The following TSC22D1 variants were observed in gnomAD, a reference collection of about 807,000 sequenced individuals.
TSC22D1 encodes TSC22 domain family protein 1.
In TSC22D1, 9 loss-of-function variants were observed where a neutral mutation model predicts 74.2. That is an observed-to-expected ratio of 0.12 (90% CI 0.07 to 0.21). The LOEUF (loss-of-function observed/expected upper bound fraction) is 0.21, where lower values mean the gene tolerates loss of function less well. Ranked by LOEUF, TSC22D1 falls within the 10% of genes least tolerant of loss-of-function variation. The probability of loss-of-function intolerance (pLI) is 1.00; values close to 1 mark genes in which losing one functional copy is unlikely to be tolerated. For missense variants in TSC22D1, 1,427 were observed against 1,304.7 expected (o/e 1.09, Z -1.44); for synonymous variants, 586 against 492.5 (o/e 1.19, Z -2.51).
chr13:44,464,083 A>G (rs1877137739), intron 1 of TSC22D1, among the ~76,000 whole-genome samples: 1 of 152,186 alleles, frequency 6.6e-6, no homozygotes, highest in African/African-American at 2.4e-5. Flanking sequence ...AGAACCACCT[A>G]GCTAAACCAC....
chr13:44,435,986 C>T, intron 2 of TSC22D1, 58 bp downstream of exon 2: 1 of 1,515,506 alleles, frequency 6.6e-7, no homozygotes, highest in South Asian at 1.2e-5. Context: ...TTCCACAAAA[C>T]ATCTTATTTT....
chr13:44,432,770 T>C lies in TSC22D1; in HGVS notation c.*1856A>G, dbSNP rs2138833291. On this transcript the variant is annotated 3_prime_UTR_variant, in exon 3 of 3. Coordinates refer to ENST00000458659, the MANE Select transcript of TSC22D1 (RefSeq NM_183422.4). The stretch of plus-strand genomic sequence containing the variant: ...CAATTCCTACTGGGCAGGGGGCCAC[T>C]GCTGAGGCCCTAGGTTGATAGATTA... 6.6e-6 allele frequency: 1 copy of C among 152,330 alleles called. No homozygotes were observed. The highest frequency in any genetic ancestry group is 6.5e-5 in the Admixed American group (1 of 15,302). The allele number at this position is 152,330 out of a possible 1,614,324, so 9.4% of individuals were successfully genotyped here.
chr13:44,478,652 C>A (rs575159035), intron 1 of TSC22D1, among the ~76,000 whole-genome samples: 2 of 152,076 alleles, frequency 1.3e-5, no homozygotes, highest in Non-Finnish European at 2.9e-5. Context: ...TAAATTTACA[C>A]CACATTCCAA....
chr13:44,517,970 C>T (rs1783218418), intron 1 of TSC22D1, among the ~76,000 whole-genome samples: 2 of 145,274 alleles, frequency 1.4e-5, no homozygotes, highest in Admixed American at 7.0e-5. Context: ...AATCCTCTCA[C>T]CTTAGCCTCC....
intron 1 of TSC22D1, among the ~76,000 whole-genome samples, chr13:44,501,783 A>ATG (rs1016931614): frequency 1.3e-5 from 2 of 152,202 alleles, no homozygotes; most frequent in African/African-American, 4.8e-5. Context: ...AAACTAATGT[A>ATG]TGTGTGTGAG....
chr13:44,556,405 G>A (rs953426870), intron 1 of TSC22D1, among the ~76,000 whole-genome samples: 1 of 151,788 alleles, frequency 6.6e-6, no homozygotes, highest in Non-Finnish European at 1.5e-5. Flanking sequence ...AATTAGCTGG[G>A]CGCAGTGGTG....
chr13:44,510,710 A>G (rs1879675227), intron 1 of TSC22D1, among the ~76,000 whole-genome samples: 1 of 152,020 alleles, frequency 6.6e-6, no homozygotes, highest in South Asian at 2.1e-4. Context: ...CTCCTGCCTC[A>G]GCCTCCTGAG....
At chr13:44,459,312 T>C (rs1876864609) in intron 1 of TSC22D1, among the ~76,000 whole-genome samples, 3 of 152,134 alleles carry the variant, frequency 2.0e-5, no homozygotes, top group Non-Finnish European at 2.9e-5. Flanking sequence ...CACTGAGAGC[T>C]GGACACTTGC....
intron 1 of TSC22D1, among the ~76,000 whole-genome samples, chr13:44,455,786 ATT>A (rs1168507062): frequency 2.9e-4 from 44 of 152,336 alleles, no homozygotes; most frequent in African/African-American, 1.0e-3. Context: ...GAACACACTC[ATT>A]TATCTTTATT....
At chr13:44,473,955 G>A (rs1244421620) in intron 1 of TSC22D1, among the ~76,000 whole-genome samples, 1 of 152,136 alleles carries the variant, frequency 6.6e-6, no homozygotes, top group Non-Finnish European at 1.5e-5. Context: ...GCTAAAAAAG[G>A]ACTATACAAT....
chr13:44,468,252 A>G (rs2137899571), intron 1 of TSC22D1, among the ~76,000 whole-genome samples: 1 of 152,294 alleles, frequency 6.6e-6, no homozygotes, highest in South Asian at 2.1e-4. Flanking sequence ...GGTGAGGGAT[A>G]GAAAATCACC....
intron 1 of TSC22D1, among the ~76,000 whole-genome samples, chr13:44,523,749 A>T (rs1880423816): frequency 6.6e-6 from 1 of 152,200 alleles, no homozygotes; most frequent in African/African-American, 2.4e-5. Flanking sequence ...AATTTGAGAG[A>T]TTGTAACAAT....
In TSC22D1 at chr13:44,575,814, G is replaced by C. The variant is rs61749000; in HGVS notation, c.261C>G (p.Leu87=). The change falls in exon 1 of 3, where the codon CTC becomes CTG. Residue 87 remains leucine, a synonymous_variant. Coordinates refer to ENST00000458659, the MANE Select transcript of TSC22D1 (RefSeq NM_183422.4). ...PQPPPPQSLN[L]LSQAQLQAQP... is the part of the protein sequence containing the mutation. ...GTGCCTGCAGCTGAGCCTGCGAAAG[G>C]AGGTTCAGGCTTTGTGGAGGCGGAG... 6.2e-7 allele frequency: 1 copy of C among 1,614,170 alleles called. No homozygotes were observed. Among genetic ancestry groups the C allele is most frequent in the Non-Finnish European group, 8.5e-7 (1 of 1,180,012 alleles).
intron 1 of TSC22D1, among the ~76,000 whole-genome samples, chr13:44,532,593 C>A (rs563998799): frequency 1.4e-4 from 21 of 152,286 alleles, no homozygotes; most frequent in African/African-American, 4.8e-4. Context: ...CCTGCCTCAG[C>A]CTCCCGAGTA....
At chr13:44,458,780 C>T (rs577066898) in intron 1 of TSC22D1, among the ~76,000 whole-genome samples, 29 of 152,240 alleles carry the variant, frequency 1.9e-4, no homozygotes, top group African/African-American at 6.3e-4. Context: ...TGTGTGTGTG[C>T]GCTCGGGGCA....
intron 1 of TSC22D1, among the ~76,000 whole-genome samples, chr13:44,523,710 C>A (rs992913128): frequency 1.3e-5 from 2 of 152,094 alleles, no homozygotes; most frequent in Non-Finnish European, 2.9e-5. Flanking sequence ...AAGCGACAAC[C>A]AGAATGGAAT....
At chr13:44,551,746 T>C (rs1444524020) in intron 1 of TSC22D1, among the ~76,000 whole-genome samples, 1 of 151,936 alleles carries the variant, frequency 6.6e-6, no homozygotes, top group African/African-American at 2.4e-5. Flanking sequence ...TTTAAAGATT[T>C]TGACATAGGC....
At position 44,470,433 on chromosome 13, in the gene TSC22D1, A is replaced by G. The variant is rs567798481; in HGVS notation, c.2913-34338T>C. 2.0e-5 allele frequency among the ~76,000 whole-genome samples: 3 copies of G among 152,326 alleles called. No homozygotes were observed. In the South Asian group the frequency reaches 6.2e-4, roughly 32 times the overall value. ...AAGGAAAATAGATTCGCGTCTGGCC[A>G]CATCCTTTATAATTATTATTATCTC... is the stretch of plus-strand genomic sequence containing the variant. On this transcript the variant is annotated intron_variant, in intron 1 of 2. Coordinates refer to ENST00000458659, the MANE Select transcript of TSC22D1 (RefSeq NM_183422.4).
intron 1 of TSC22D1, among the ~76,000 whole-genome samples, chr13:44,557,313 T>G (rs1333734448): frequency 6.6e-6 from 1 of 151,488 alleles, no homozygotes; most frequent in African/African-American, 2.4e-5. Context: ...ATACAAAAAT[T>G]AGCTGGGCAT....
Sources: allele counts gnomAD v4.1 joint callset (sites outside exome capture counted in the v4.1 genomes callset), GRCh38; gene constraint gnomAD v4.1.1; transcripts MANE v1.5; gene names NCBI Gene and HGNC (gene_info 2026-07-23, HGNC 2026-07-21).